Variants in SAFB observed in about 807,000 individuals in gnomAD.
The protein encoded by SAFB is scaffold attachment factor B1.
Under a neutral mutation model 101.6 loss-of-function variants are expected in SAFB, and 15 were observed. The ratio of observed to expected loss-of-function variants is 0.15; its 90% CI spans 0.10 to 0.23. The LOEUF is 0.23. Ranked by LOEUF, SAFB falls within the 10% of genes least tolerant of loss-of-function variation. The pLI is 1.00. For synonymous variants in SAFB, 449 were observed against 407.5 expected (o/e 1.10, Z -1.23); for missense variants, 930 against 1,104.1 (o/e 0.84, Z 2.23).
chr19:5,638,766 G>A (rs1001484725), intron 2 of SAFB, among the ~76,000 whole-genome samples: 4 of 142,770 alleles, frequency 2.8e-5, no homozygotes, highest in African/African-American at 1.1e-4. Flanking sequence ...CTGTCACCCA[G>A]GCTGGAGTGC....
In SAFB at chr19:5,661,597, G is replaced by T; in HGVS notation, c.1942G>T (p.Ala648Ser). The change falls in exon 15 of 21, where the codon GCC (alanine) becomes TCC (serine). Residue 648 changes from alanine to serine, a missense_variant. Physicochemically the swap from Ala to Ser is moderately conservative, Grantham distance 99. Around this residue, in one of 7 missense-constraint regions of SAFB, gnomAD observed 159 missense variants for 234.1 expected, o/e 0.68. Transcript: ENST00000588852. ...EREERERLEIARERLAFQRQR... is the reference protein window; with the variant it reads ...EREERERLEISRERLAFQRQR... The stretch of plus-strand genomic sequence containing the variant: ...CGAGGAGCGTGAGCGGCTGGAGATT[G>T]CCCGAGAGAGGCTGGCCTTCCAGCG... 1 of 1,612,816 alleles carries T rather than the reference G, an allele frequency of 6.2e-7. No homozygotes were observed. The highest frequency in any genetic ancestry group is 8.5e-7 in the Non-Finnish European group (1 of 1,179,872).
intron 1 of SAFB, among the ~76,000 whole-genome samples, chr19:5,625,162 G>A (rs916718839): frequency 6.6e-6 from 1 of 152,150 alleles, no homozygotes; most frequent in African/African-American, 2.4e-5. Flanking sequence ...AAGCCAGTCT[G>A]GAGTTCCTGA....
At chr19:5,662,835 T>C (rs1272279567) in intron 15 of SAFB, among the ~76,000 whole-genome samples, 1 of 150,792 alleles carries the variant, frequency 6.6e-6, no homozygotes, top group Non-Finnish European at 1.5e-5. Context: ...AGAGATGGGG[T>C]TTTGCCATGT....
chr19:5,653,300 A>T, intron 10 of SAFB, 36 bp downstream of exon 10: 1 of 1,614,126 alleles, frequency 6.2e-7, no homozygotes, highest in Non-Finnish European at 8.5e-7. Context: ...TATAGCCCAC[A>T]TTAGGAAATG....
intron 15 of SAFB, among the ~76,000 whole-genome samples, 166 bp downstream of exon 15, chr19:5,661,974 T>A: frequency 6.6e-6 from 1 of 151,370 alleles, no homozygotes; most frequent in East Asian, 2.0e-4. Flanking sequence ...AAGCTCTGCC[T>A]CCCGGGTTCA....
chr19:5,649,149 G>A lies in SAFB; in HGVS notation c.798G>A (p.Pro266=). 10 of 393,910 alleles carry A rather than the reference G, an allele frequency of 2.5e-5. No individual in the cohort carries two copies. Among genetic ancestry groups the A allele is most frequent in the Middle Eastern group, 5.7e-4 (1 of 1,760 alleles). 24.4% of individuals were successfully genotyped at this position (393,910 alleles called of 1,614,324 possible). A position where few individuals can be genotyped will look rare whatever the true frequency, so the allele number is the denominator to read the frequency against. The change falls in exon 7 of 21, where the codon CCG becomes CCA. Residue 266 remains proline (P), a synonymous_variant. Coordinates refer to ENST00000588852, the MANE Select transcript of SAFB (RefSeq NM_001201338.2). The part of the protein sequence containing the change: ...EEEDLFDSAH[P]EEGDLDLASE... ...AGGACCTATTTGACAGCGCCCATCC[G>A]GAAGAGGGTGATTTAGATTTGGCCA... is the stretch of plus-strand genomic sequence containing the variant.
intron 17 of SAFB, 109 bp downstream of exon 17, chr19:5,664,548 A>G: frequency 2.4e-6 from 2 of 841,478 alleles, no homozygotes. Flanking sequence ...CAAAATGAGG[A>G]AAGAGAAAAG....
chr19:5,624,557 T>A (rs1568242199), intron 1 of SAFB, among the ~76,000 whole-genome samples: 1 of 152,134 alleles, frequency 6.6e-6, no homozygotes, highest in Non-Finnish European at 1.5e-5. Context: ...TCCCCTGTAG[T>A]TGCTCCGCCT....
chr19:5,648,148 A>C (rs148092544), intron 6 of SAFB, 105 bp downstream of exon 6: 7 of 967,068 alleles, frequency 7.2e-6, no homozygotes. Flanking sequence ...TTACTATAGT[A>C]TACATTGTTC....
chr19:5,650,416 C>T (rs967918259), intron 8 of SAFB, among the ~76,000 whole-genome samples: 1 of 152,030 alleles, frequency 6.6e-6, no homozygotes, highest in African/African-American at 2.4e-5. Context: ...ATTAAGCGAT[C>T]GCTAACTTTT....
intron 14 of SAFB, 66 bp from the exon 15 acceptor site, chr19:5,661,452 T>G (rs761380249): frequency 2.4e-5 from 38 of 1,587,200 alleles, no homozygotes; most frequent in Non-Finnish European, 3.2e-5. Context: ...GCGTCTTACT[T>G]AAAGTCAGCC....
At chr19:5,661,870 T>C in intron 15 of SAFB, 62 bp downstream of exon 15, 1 of 1,137,990 alleles carries the variant, frequency 8.8e-7, no homozygotes, top group Middle Eastern at 2.1e-4. Flanking sequence ...GACCTCACAG[T>C]CCAGTTAGCT....
At chr19:5,668,125 G>A (rs1216960395) in intron 20 of SAFB, 37 bp from the exon 21 acceptor site, 8 of 1,598,238 alleles carry the variant, frequency 5.0e-6, no homozygotes, top group Non-Finnish European at 6.8e-6. Context: ...GGGAGCAGGA[G>A]GACTTCGCAG....
intron 13 of SAFB, among the ~76,000 whole-genome samples, chr19:5,656,531 C>T (rs1447187306): frequency 1.3e-5 from 2 of 151,368 alleles, no homozygotes; most frequent in African/African-American, 2.4e-5. Flanking sequence ...CCGTCCCGGC[C>T]TCCCAAAGTG....
intron 5 of SAFB, among the ~76,000 whole-genome samples, chr19:5,647,702 A>G (rs1351653674): frequency 6.6e-6 from 1 of 152,208 alleles, no homozygotes; most frequent in Non-Finnish European, 1.5e-5. Context: ...AACAGTAGAA[A>G]AATGAAAACA....
chr19:5,654,555 T>C lies in SAFB; in HGVS notation c.1755+99T>C, dbSNP rs985964837. 8 of 816,942 alleles carry C rather than the reference T, an allele frequency of 9.8e-6. No individual in the cohort carries two copies. The African/African-American group carries it at 1.2e-4, about 12-fold the overall frequency. 50.6% of individuals were successfully genotyped at this position (816,942 alleles called of 1,614,324 possible). On this transcript the variant is annotated intron_variant, in intron 13 of 20. Transcript: ENST00000588852. ...TTACTAAGCTTCATTTGAAAAAAGC[T>C]TTTGTCGGCCGTTTCGAAAATGTAG...
Position 5,654,063 on chromosome 19 carries a change from C to T in SAFB, c.1529C>T (p.Ser510Phe), listed in dbSNP as rs770217937. Residue 510 changes from serine (S) to phenylalanine (F), a missense_variant and splice_region_variant, in exon 12 of 21, where the codon TCT becomes TTT. Transcript: ENST00000588852. ...KKEKSSNSDR[S>F]TNLKRDDKCD... ...GCCAACATGTCTGTTTTTTATAGAT[C>T]TACAAACCTTAAGAGGGATGATAAA... 1 of 1,613,948 alleles carries T rather than the reference C, an allele frequency of 6.2e-7. No individual in the cohort carries two copies. Among genetic ancestry groups the T allele is most frequent in the African/African-American group, 1.3e-5 (1 of 75,004 alleles).
chr19:5,640,634 G>T (rs1292001665), intron 2 of SAFB, among the ~76,000 whole-genome samples: 1 of 152,124 alleles, frequency 6.6e-6, no homozygotes, highest in African/African-American at 2.4e-5. Context: ...CTGTCATCCA[G>T]GCTGGAGTGC....
chr19:5,659,711 A>G (rs910492465), intron 14 of SAFB, among the ~76,000 whole-genome samples: 1 of 150,886 alleles, frequency 6.6e-6, no homozygotes, highest in African/African-American at 2.5e-5. Flanking sequence ...AAAAAAAAAC[A>G]AAGTCTCCCA....
Sources: allele counts gnomAD v4.1 joint callset (sites outside exome capture counted in the v4.1 genomes callset), GRCh38; gene constraint gnomAD v4.1.1; regional missense constraint gnomAD v4.1.1; transcripts MANE v1.5; gene names NCBI Gene and HGNC (gene_info 2026-07-23, HGNC 2026-07-21).